The following PLCB4 variants were observed in gnomAD, a reference collection of about 807,000 sequenced individuals.
PLCB4 encodes the protein phospholipase C beta 4, also known as 1-phosphatidylinositol 4,5-bisphosphate phosphodiesterase beta-4.
Under a neutral mutation model 178.8 loss-of-function variants are expected in PLCB4, and 77 were observed. The ratio of observed to expected loss-of-function variants is 0.43; its 90% CI spans 0.36 to 0.52. The LOEUF is 0.52. Among genes scored for constraint, PLCB4 ranks in the 20% least tolerant of loss-of-function variants. The pLI, the probability that PLCB4 is intolerant of heterozygous loss-of-function variation, is 0.00. For synonymous variants in PLCB4, 496 were observed against 490.8 expected, an observed-to-expected ratio of 1.01 and a Z score of -0.14; for missense variants, 1,024 against 1,453.4, an observed-to-expected ratio of 0.70 and a Z score of 4.80.
chr20:9,237,842 T>C (rs1422164068), intron 3 of PLCB4, among the ~76,000 whole-genome samples: 2 of 151,044 alleles, frequency 1.3e-5, no homozygotes, highest in African/African-American at 4.9e-5. Flanking sequence ...TATAGTGGAA[T>C]CTTTTTTTTT....
chr20:9,307,941 A>G, intron 4 of PLCB4, 43 bp downstream of exon 4: 1 of 791,724 alleles, frequency 1.3e-6, no homozygotes, highest in South Asian at 1.7e-5. Flanking sequence ...ACATTCTAAT[A>G]ATTATTAAAT....
Position 9,384,188 on chromosome 20 carries a change from C to T in PLCB4, c.854-13C>T, listed in dbSNP as rs867987334. On this transcript the variant is annotated splice_polypyrimidine_tract_variant and intron_variant, in intron 13 of 39. Coordinates refer to ENST00000378473, the MANE Select transcript of PLCB4 (RefSeq NM_001377142.1). ...GAGCTACAAGTGCTACTAAGATGTT[C>T]TTTTTCCCCTAGGCCTTATATCAAG... is the stretch of plus-strand genomic sequence containing the variant. The T allele has an allele frequency of 1.9e-5, 30 of 1,598,808 alleles. No homozygotes were observed. Among genetic ancestry groups the T allele is most frequent in the Non-Finnish European group, 2.4e-5 (28 of 1,166,194 alleles).
At chr20:9,444,314 G>A in intron 32 of PLCB4, 71 bp downstream of exon 32, 1 of 886,108 alleles carries the variant, frequency 1.1e-6, no homozygotes, top group East Asian at 2.4e-5. Context: ...ACACTACTTT[G>A]AAGCTGATAC....
intron 3 of PLCB4, among the ~76,000 whole-genome samples, chr20:9,293,471 A>C (rs80279837): frequency 1.3e-5 from 2 of 151,510 alleles, no homozygotes; most frequent in Non-Finnish European, 2.9e-5. Context: ...CTCTGTCAGA[A>C]AGAGAGAAAG....
At chr20:9,399,077 T>G (rs777468252) in intron 19 of PLCB4, among the ~76,000 whole-genome samples, 1 of 152,224 alleles carries the variant, frequency 6.6e-6, no homozygotes, top group Non-Finnish European at 1.5e-5. Context: ...TCATCTGAAA[T>G]TAGCATCTGT....
At chr20:9,135,157 T>C (rs539573570) in intron 2 of PLCB4, among the ~76,000 whole-genome samples, 1 of 152,126 alleles carries the variant, frequency 6.6e-6, no homozygotes, top group Non-Finnish European at 1.5e-5. Context: ...AATGTGTGTG[T>C]ATATATATTT....
At chr20:9,111,545 A>G (rs1002984893) in intron 2 of PLCB4, among the ~76,000 whole-genome samples, 4 of 152,140 alleles carry the variant, frequency 2.6e-5, no homozygotes, top group African/African-American at 9.7e-5. Flanking sequence ...TAAAATGTTT[A>G]TACTCATTTG....
intron 1 of PLCB4, among the ~76,000 whole-genome samples, chr20:9,080,981 C>A (rs79925711): frequency 6.6e-6 from 1 of 152,152 alleles, no homozygotes; most frequent in African/African-American, 2.4e-5. Flanking sequence ...TTCCTATTGC[C>A]GCTAGCCTGA....
chr20:9,351,431 TATATC>T (rs1239861155), intron 7 of PLCB4, among the ~76,000 whole-genome samples: 1 of 152,202 alleles, frequency 6.6e-6, no homozygotes, highest in African/African-American at 2.4e-5. Flanking sequence ...GTCAGTAAAT[TATATC>T]ATAGAGGCAT....
At chr20:9,313,546 G>A (rs549493327) in intron 4 of PLCB4, among the ~76,000 whole-genome samples, 81 of 152,308 alleles carry the variant, frequency 5.3e-4, no homozygotes, top group Non-Finnish European at 8.2e-4. Context: ...GTGAAAATGC[G>A]TTAAGTGGAG....
At chr20:9,219,384 G>A (rs1296496323) in intron 3 of PLCB4, among the ~76,000 whole-genome samples, 1 of 152,130 alleles carries the variant, frequency 6.6e-6, no homozygotes, top group Non-Finnish European at 1.5e-5. Flanking sequence ...CAGGAGAATG[G>A]CATGAACCCA....
intron 28 of PLCB4, among the ~76,000 whole-genome samples, chr20:9,433,773 T>A (rs886981038): frequency 1.3e-5 from 2 of 152,234 alleles, no homozygotes; most frequent in Non-Finnish European, 2.9e-5. Flanking sequence ...CTGTGATTTT[T>A]TTTTCCTGAG....
At chr20:9,296,325 G>A (rs1438030444) in intron 3 of PLCB4, among the ~76,000 whole-genome samples, 2 of 152,188 alleles carry the variant, frequency 1.3e-5, no homozygotes, top group African/African-American at 4.8e-5. Context: ...TCTCACACCA[G>A]TTAGAATGGC....
At chr20:9,098,688 C>T (rs888069293) in intron 2 of PLCB4, among the ~76,000 whole-genome samples, 31 of 143,868 alleles carry the variant, frequency 2.2e-4, no homozygotes, top group African/African-American at 7.8e-4. Context: ...TACATATGTA[C>T]GTATATATGT....
chr20:9,127,638 TTATCTATCTATCTATCTATC>T lies in PLCB4; in HGVS notation c.-79+31325_-79+31344del, dbSNP rs35789567. Among the ~76,000 whole-genome samples, 407 of 146,896 alleles carry T rather than the reference TTATCTATCTATCTATCTATC, an allele frequency of 2.8e-3. 3 individuals are homozygous for T. The highest frequency in any genetic ancestry group is 4.1e-3 in the Non-Finnish European group (272 of 67,100). On this transcript the variant is annotated intron_variant, in intron 2 of 39. Transcript: ENST00000378473. Reference sequence around the variant, plus strand: ...ACTTTTAAAAAAAACGGTGGTAAAATTATCTATCTATCTATCTATCTATCTATCTATCTATCTATCTATCT... The same window carrying T: ...ACTTTTAAAAAAAACGGTGGTAAAATTATCTATCTATCTATCTATCTATCT...
At chr20:9,445,869 G>A (rs969914101) in intron 32 of PLCB4, among the ~76,000 whole-genome samples, 1 of 152,210 alleles carries the variant, frequency 6.6e-6, no homozygotes, top group African/African-American at 2.4e-5. Flanking sequence ...GAATAGAGTG[G>A]ATGCCCGTAT....
chr20:9,086,063 A>G (rs1163659359), intron 1 of PLCB4, among the ~76,000 whole-genome samples: 2 of 152,162 alleles, frequency 1.3e-5, no homozygotes, highest in African/African-American at 2.4e-5. Context: ...ATGTGGCTTC[A>G]TTTGGAATAT....
chr20:9,247,082 A>G (rs2094133787), intron 3 of PLCB4, among the ~76,000 whole-genome samples: 1 of 152,206 alleles, frequency 6.6e-6, no homozygotes, highest in South Asian at 2.1e-4. Context: ...AGATACTTCA[A>G]CATCATAATG....
chr20:9,363,758 G>A (rs2148244227), intron 8 of PLCB4, among the ~76,000 whole-genome samples: 1 of 152,352 alleles, frequency 6.6e-6, no homozygotes, highest in Middle Eastern at 3.4e-3. Flanking sequence ...GCAGGCAGTT[G>A]TGAGGTGCCA....
Sources: allele counts gnomAD v4.1 joint callset (sites outside exome capture counted in the v4.1 genomes callset), GRCh38; gene constraint gnomAD v4.1.1; transcripts MANE v1.5; gene names NCBI Gene and HGNC (gene_info 2026-07-23, HGNC 2026-07-21).